The following PARD3B variants were observed in gnomAD, a reference collection of about 807,000 sequenced individuals.
PARD3B encodes par-3 family cell polarity regulator beta, also known as partitioning defective 3 homolog B.
Under a neutral mutation model 130.2 loss-of-function variants are expected in PARD3B, and 103 were observed. That is an observed-to-expected ratio of 0.79 (90% CI 0.67 to 0.93). The LOEUF (loss-of-function observed/expected upper bound fraction) is 0.93. PARD3B is among the 40% of genes least tolerant of loss of function. The pLI is 0.00. For synonymous variants in PARD3B, 583 were observed against 553.2 expected (o/e 1.05, Z -0.76); for missense variants, 1,609 against 1,499.2 (o/e 1.07, Z -1.21).
intron 4 of PARD3B, among the ~76,000 whole-genome samples, chr2:205,102,250 G>C (rs1480987278): frequency 6.6e-6 from 1 of 151,862 alleles, no homozygotes; most frequent in Non-Finnish European, 1.5e-5. Context: ...TACAACATTA[G>C]AAAATTAATA....
Position 205,230,352 on chromosome 2 carries a change from A to C in PARD3B, c.2141-15426A>C, listed in dbSNP as rs1390489396. Among the ~76,000 whole-genome samples the C allele has an allele frequency of 1.3e-5, 2 of 152,158 alleles. No homozygotes were observed. Among genetic ancestry groups the C allele is most frequent in the Non-Finnish European group, 2.9e-5 (2 of 68,032 alleles). On this transcript the variant is annotated intron_variant, in intron 15 of 22. Coordinates refer to ENST00000406610, the MANE Select transcript of PARD3B (RefSeq NM_001302769.2). The surrounding 1 kb of genome is among the most constrained non-coding windows in gnomAD (Gnocchi z 4.1). ...CATTTTCTTTAGTCAGCAAGTGATG[A>C]ATCCTACCAGGTCTGGGTTCTCCCC...
At chr2:205,613,335 A>G (rs2055305475) in intron 22 of PARD3B, among the ~76,000 whole-genome samples, 1 of 152,240 alleles carries the variant, frequency 6.6e-6, no homozygotes, top group African/African-American at 2.4e-5. Context: ...GAGAAAGTAC[A>G]GGTTAAGAAA....
intron 2 of PARD3B, among the ~76,000 whole-genome samples, chr2:204,740,420 T>G (rs1286968991): frequency 6.6e-6 from 1 of 152,238 alleles, no homozygotes; most frequent in Non-Finnish European, 1.5e-5. Flanking sequence ...TTCAGTTATC[T>G]ATTTCTGTAA....
chr2:205,037,065 CGG>C (rs1697998767), intron 3 of PARD3B, among the ~76,000 whole-genome samples: 2 of 128,654 alleles, frequency 1.6e-5, no homozygotes, highest in Non-Finnish European at 3.3e-5. Context: ...ACATATGTAG[CGG>C]ACTGTATATA....
At chr2:204,636,511 T>C (rs1361026608) in intron 1 of PARD3B, among the ~76,000 whole-genome samples, 3 of 151,500 alleles carry the variant, frequency 2.0e-5, no homozygotes, top group African/African-American at 7.3e-5. Context: ...TTTTAAATTC[T>C]AGAAGAACAG....
At chr2:205,020,771 C>A (rs1334615025) in intron 3 of PARD3B, among the ~76,000 whole-genome samples, 1 of 152,112 alleles carries the variant, frequency 6.6e-6, no homozygotes, top group Non-Finnish European at 1.5e-5. Flanking sequence ...CATTGGGGAT[C>A]CTGTTGAGTT....
intron 1 of PARD3B, among the ~76,000 whole-genome samples, chr2:204,662,100 T>G (rs1371738913): frequency 1.3e-5 from 2 of 152,232 alleles, no homozygotes; most frequent in African/African-American, 4.8e-5. Flanking sequence ...TCTTGCATTT[T>G]GAATGGAACT....
intron 14 of PARD3B, among the ~76,000 whole-genome samples, chr2:205,191,915 G>A (rs1451929785): frequency 6.6e-6 from 1 of 152,070 alleles, no homozygotes. Context: ...GGGAAGAGGT[G>A]CAATCTTAGC....
At chr2:204,625,438 A>T (rs1033557617) in intron 1 of PARD3B, among the ~76,000 whole-genome samples, 1 of 152,286 alleles carries the variant, frequency 6.6e-6, no homozygotes, top group East Asian at 1.9e-4. Context: ...TCACTCTTGC[A>T]ATTTAGTGGA....
chr2:204,755,367 G>A (rs1194911271), intron 2 of PARD3B, among the ~76,000 whole-genome samples: 1 of 151,988 alleles, frequency 6.6e-6, no homozygotes, highest in East Asian at 1.9e-4. Context: ...TTTCCCGAAA[G>A]GCAGAAGTTA....
intron 2 of PARD3B, among the ~76,000 whole-genome samples, chr2:204,859,783 G>A (rs2045108657): frequency 6.6e-6 from 1 of 152,140 alleles, no homozygotes; most frequent in Non-Finnish European, 1.5e-5. Flanking sequence ...AAGCCCTAGA[G>A]CATAACCCAC....
At chr2:204,832,741 G>C (rs913442270) in intron 2 of PARD3B, among the ~76,000 whole-genome samples, 2 of 152,158 alleles carry the variant, frequency 1.3e-5, no homozygotes, top group Non-Finnish European at 2.9e-5. Context: ...AAGCGTAGTT[G>C]TGTTCTGGAA....
chr2:205,086,167 C>A (rs1349319537), intron 4 of PARD3B, among the ~76,000 whole-genome samples: 1 of 152,166 alleles, frequency 6.6e-6, no homozygotes, highest in Admixed American at 6.5e-5. Context: ...TTAATTATGG[C>A]ATTTCTAATC....
intron 3 of PARD3B, among the ~76,000 whole-genome samples, chr2:205,037,003 A>G (rs1027204354): frequency 3.3e-5 from 5 of 150,608 alleles, no homozygotes; most frequent in Non-Finnish European, 7.4e-5. Context: ...AGCGGACTGT[A>G]TATATAAAAA....
At chr2:205,165,772 A>AGC (rs2034777805) in intron 11 of PARD3B, among the ~76,000 whole-genome samples, 3 of 146,788 alleles carry the variant, frequency 2.0e-5, no homozygotes, top group Admixed American at 6.8e-5. Context: ...TAAATAAATA[A>AGC]AAGCTTCATA....
intron 2 of PARD3B, among the ~76,000 whole-genome samples, chr2:204,885,537 T>G (rs958717109): frequency 4.6e-5 from 7 of 152,206 alleles, no homozygotes; most frequent in Non-Finnish European, 5.9e-5. Context: ...ATGTTTTGCT[T>G]CTTCTTCATG....
At position 205,121,873 on chromosome 2, in the gene PARD3B, C is replaced by T; in HGVS notation, c.1089C>T (p.Ser363=). 1 of 1,614,028 alleles carries T rather than the reference C, an allele frequency of 6.2e-7. No individual in the cohort carries two copies. The highest frequency in any genetic ancestry group is 1.1e-5 in the South Asian group (1 of 91,068). The change falls in exon 8 of 23, where the codon TCC becomes TCT. Residue 363 remains serine (S), a synonymous_variant. Transcript: ENST00000406610. The surrounding 1 kb of genome is among the most constrained non-coding windows in gnomAD (Gnocchi z 5.0). ...TACCAAGGCTGGGAGGAAAACCATCCTCTCCCTCACTCTCGCCTCTCATGG... is the reference window on the plus strand; with the variant it reads ...TACCAAGGCTGGGAGGAAAACCATCTTCTCCCTCACTCTCGCCTCTCATGG... The part of the protein sequence containing the change: ...PRVPRLGGKP[S]SPSLSPLMGF...
At chr2:204,829,891 T>C (rs1012318594) in intron 2 of PARD3B, among the ~76,000 whole-genome samples, 11 of 148,346 alleles carry the variant, frequency 7.4e-5, no homozygotes, top group Non-Finnish European at 1.6e-4. Context: ...CCCAGCTACT[T>C]GGGAGGCTGA....
chr2:204,975,108 C>T (rs1692031564), intron 3 of PARD3B, among the ~76,000 whole-genome samples: 1 of 152,108 alleles, frequency 6.6e-6, no homozygotes, highest in Non-Finnish European at 1.5e-5. Flanking sequence ...GATCTTACCT[C>T]ATAATAAATT....
Sources: gnomAD v4.1 joint callset for allele counts (sites outside exome capture counted in the v4.1 genomes callset) on GRCh38, gnomAD v4.1.1 for gene constraint, Gnocchi (gnomAD v3.1) non-coding constraint, MANE v1.5 for transcripts, NCBI Gene and HGNC (gene_info 2026-07-23, HGNC 2026-07-21) for gene names.